The following NUFIP1 variants were observed in gnomAD, a reference collection of about 807,000 sequenced individuals.
NUFIP1 encodes FMR1-interacting protein NUFIP1.
NUFIP1 carries 38 observed loss-of-function variants against 56.2 expected under a neutral mutation model. That is an observed-to-expected ratio of 0.68 (90% confidence interval 0.52 to 0.89). The LOEUF (loss-of-function observed/expected upper bound fraction) is 0.89, where lower values mean the gene tolerates loss of function less well. NUFIP1 is among the 40% of genes least tolerant of loss of function. The pLI, the probability that NUFIP1 is intolerant of heterozygous loss-of-function variation, is 0.00. For missense variants in NUFIP1, 567 were observed against 605.8 expected (o/e 0.94, Z 0.67); for synonymous variants, 215 against 212.4 (o/e 1.01, Z -0.10).
intron 6 of NUFIP1, 123 bp from the exon 7 acceptor site, chr13:44,959,697 T>A: frequency 1.4e-6 from 1 of 736,600 alleles, no homozygotes; most frequent in Non-Finnish European, 2.2e-6. Context: ...GCCTAGTACA[T>A]TAAAGAGACG....
At chr13:44,954,271 C>T (rs1012667120) in intron 7 of NUFIP1, among the ~76,000 whole-genome samples, 3 of 152,106 alleles carry the variant, frequency 2.0e-5, no homozygotes, top group Non-Finnish European at 4.4e-5. Context: ...TTTCTTTTAC[C>T]ATTAAAACAT....
intron 6 of NUFIP1, among the ~76,000 whole-genome samples, chr13:44,962,922 G>A (rs1871471488): frequency 6.6e-6 from 1 of 152,184 alleles, no homozygotes; most frequent in Non-Finnish European, 1.5e-5. Flanking sequence ...TTACTGCACA[G>A]CCTAGGTGTG....
At chr13:44,953,988 T>C (rs1871153404) in intron 7 of NUFIP1, among the ~76,000 whole-genome samples, 1 of 150,396 alleles carries the variant, frequency 6.6e-6, no homozygotes, top group South Asian at 2.1e-4. Flanking sequence ...TCAGAACATC[T>C]CCTACAGTAA....
intron 7 of NUFIP1, among the ~76,000 whole-genome samples, chr13:44,951,709 A>C (rs892079233): frequency 5.3e-5 from 8 of 152,242 alleles, no homozygotes; most frequent in Admixed American, 2.6e-4. Flanking sequence ...GCAATAAAGT[A>C]AGTCACACAA....
intron 5 of NUFIP1, among the ~76,000 whole-genome samples, chr13:44,967,809 G>A (rs1318931653): frequency 6.6e-6 from 1 of 152,144 alleles, no homozygotes; most frequent in African/African-American, 2.4e-5. Context: ...CTTTCAGGAA[G>A]AGGGCAATAG....
intron 5 of NUFIP1, among the ~76,000 whole-genome samples, chr13:44,970,488 T>C (rs1221014153): frequency 6.6e-6 from 1 of 152,218 alleles, no homozygotes; most frequent in Non-Finnish European, 1.5e-5. Context: ...TTTTCCTGCA[T>C]GTCAAAGAAT....
Position 44,941,272 on chromosome 13 carries a change from A to T in NUFIP1, c.1422T>A (p.Val474=), listed in dbSNP as rs765809893. The T allele has an allele frequency of 1.2e-6, 2 of 1,611,848 alleles. No individual in the cohort carries two copies. Among genetic ancestry groups the T allele is most frequent in the Non-Finnish European group, 1.7e-6 (2 of 1,179,446 alleles). Residue 474 remains valine, a synonymous_variant, in exon 10 of 10, where the codon GTT becomes GTA. Transcript: ENST00000379161. ...AAAAGTCTTTTTTGATGATGTACCG[A>T]ACACACTGCAAAATCACATTTCTTT... ...RHERNVILQC[V]RYIIKKDFFG...
At chr13:44,956,412 G>T (rs182321779) in intron 7 of NUFIP1, among the ~76,000 whole-genome samples, 7 of 152,142 alleles carry the variant, frequency 4.6e-5, no homozygotes, top group Non-Finnish European at 8.8e-5. Flanking sequence ...GACAGAGGGT[G>T]GGGGGTGGAT....
At chr13:44,970,350 G>A (rs186649939) in intron 5 of NUFIP1, among the ~76,000 whole-genome samples, 6 of 152,282 alleles carry the variant, frequency 3.9e-5, no homozygotes, top group African/African-American at 1.2e-4. Context: ...GGACAAAGAT[G>A]TACTTTTGTC....
chr13:44,949,912 G>A (rs2137894959), intron 7 of NUFIP1, 74 bp from the exon 8 acceptor site: 8 of 924,280 alleles, frequency 8.7e-6, no homozygotes, highest in Non-Finnish European at 1.3e-5. Context: ...TCCCTCATTT[G>A]TTAGTGAAAA....
intron 8 of NUFIP1, among the ~76,000 whole-genome samples, chr13:44,948,568 C>T (rs183177060): frequency 3.5e-4 from 53 of 152,268 alleles, no homozygotes; most frequent in Admixed American, 3.1e-3. Flanking sequence ...AATTTTCTCA[C>T]GGCTGGTAAA....
At chr13:44,978,190 T>C (rs1325439468) in intron 5 of NUFIP1, among the ~76,000 whole-genome samples, 1 of 152,248 alleles carries the variant, frequency 6.6e-6, no homozygotes, top group Admixed American at 6.5e-5. Flanking sequence ...TTCCTCAGAA[T>C]TACCTCTAAA....
At chr13:44,970,675 TTG>T (rs1272004365) in intron 5 of NUFIP1, among the ~76,000 whole-genome samples, 6 of 152,116 alleles carry the variant, frequency 3.9e-5, no homozygotes, top group Admixed American at 2.6e-4. Context: ...CAGGGTTTTT[TTG>T]TTTGTTGTTT....
At chr13:44,954,273 T>C (rs1455050281) in intron 7 of NUFIP1, among the ~76,000 whole-genome samples, 1 of 152,202 alleles carries the variant, frequency 6.6e-6, no homozygotes, top group Non-Finnish European at 1.5e-5. Context: ...TCTTTTACCA[T>C]TAAAACATTA....
chr13:44,969,197 GA>G, intron 5 of NUFIP1, among the ~76,000 whole-genome samples: 1 of 151,984 alleles, frequency 6.6e-6, no homozygotes, highest in East Asian at 1.9e-4. Flanking sequence ...ACAGAATCCA[GA>G]TATTTAAAAC....
chr13:44,973,927 A>G (rs1379093183), intron 5 of NUFIP1, among the ~76,000 whole-genome samples: 1 of 152,206 alleles, frequency 6.6e-6, no homozygotes, highest in Non-Finnish European at 1.5e-5. Context: ...AGCAAATAAT[A>G]TGGAAATAAT....
In NUFIP1 at chr13:44,968,080, GA is replaced by G. The variant is rs1284591216; in HGVS notation, c.735-2145del. Among the ~76,000 whole-genome samples the G allele has an allele frequency of 2.0e-5, 3 of 150,782 alleles. No individual in the cohort carries two copies. The South Asian group carries it at 6.3e-4, about 31-fold the overall frequency. ...CATTGGGTAAGTGGTTAAGTAATCA[GA>G]AAAAAAATGTAATGAATTTCAATGA... On this transcript the variant is annotated intron_variant, in intron 5 of 9. Transcript: ENST00000379161.
intron 5 of NUFIP1, among the ~76,000 whole-genome samples, chr13:44,977,685 C>T (rs181086436): frequency 3.2e-4 from 48 of 152,326 alleles, no homozygotes; most frequent in Non-Finnish European, 1.6e-4. Flanking sequence ...TTGCTAGCCA[C>T]AGATGCTCTT....
chr13:44,945,765 T>G (rs1176018726), intron 8 of NUFIP1, among the ~76,000 whole-genome samples: 4 of 151,978 alleles, frequency 2.6e-5, no homozygotes, highest in Admixed American at 2.6e-4. Context: ...TCTTCACCTC[T>G]CCCCACTCCC....
Sources: gnomAD v4.1 joint callset for allele counts (sites outside exome capture counted in the v4.1 genomes callset) on GRCh38, gnomAD v4.1.1 for gene constraint, MANE v1.5 for transcripts, NCBI Gene and HGNC (gene_info 2026-07-23, HGNC 2026-07-21) for gene names.